The following UNC45B variants were observed in gnomAD, a reference collection of about 807,000 sequenced individuals.
The protein encoded by UNC45B is unc-45 myosin chaperone B.
UNC45B carries 78 observed loss-of-function variants against 98.7 expected under a neutral mutation model. The observed-to-expected ratio is 0.79, with a 90% CI of 0.66 to 0.95. The LOEUF (loss-of-function observed/expected upper bound fraction) is 0.95, where lower values mean the gene tolerates loss of function less well. Among genes scored for constraint, UNC45B ranks in the 40% least tolerant of loss-of-function variants. The pLI, the probability that UNC45B is intolerant of heterozygous loss-of-function variation, is 0.00. For missense variants in UNC45B, 1,225 were observed against 1,184.9 expected, an observed-to-expected ratio of 1.03 and a Z score of -0.50; for synonymous variants, 462 against 480.4, an observed-to-expected ratio of 0.96 and a Z score of 0.50.
chr17:35,149,133 C>T, intron 3 of UNC45B, 124 bp downstream of exon 3: 1 of 1,157,440 alleles, frequency 8.6e-7, no homozygotes, highest in South Asian at 1.3e-5. Flanking sequence ...AGGGAGAGAA[C>T]AAGCTGGAGA....
intron 4 of UNC45B, chr17:35,151,247 T>G (rs1194786745): frequency 4.0e-6 from 1 of 248,244 alleles, no homozygotes; most frequent in East Asian, 1.6e-4. Flanking sequence ...ACGTCTGATC[T>G]GAGGTCGCGG....
chr17:35,186,475 T>G lies in UNC45B; in HGVS notation c.2706T>G (p.Asp902Glu). The G allele has an allele frequency of 1.2e-6, 2 of 1,614,186 alleles. No homozygotes were observed. The highest frequency in any genetic ancestry group is 2.2e-5 in the East Asian group (1 of 44,884). The stretch of plus-strand genomic sequence containing the variant: ...CTGTGGTGGGCAAACAGGAGCCAGA[T>G]GAGAAGAAGGCAGAAGTGGTTCAGA... ...ILTVVGKQEP[D>E]EKKAEVVQTA... is the part of the protein sequence containing the mutation. Residue 902 changes from aspartate (D) to glutamate (E), a missense_variant, in exon 20 of 20, where the codon GAT becomes GAG. By Grantham distance (45) the Asp-to-Glu change is conservative (BLOSUM62 2). Transcript: ENST00000394570.
At position 35,170,248 on chromosome 17, in the gene UNC45B, TG is replaced by T; in HGVS notation, c.1684del (p.Ala562ProfsTer17). On this transcript the variant is annotated frameshift_variant, in exon 12 of 20. Transcript: ENST00000394570. LOFTEE classifies it high-confidence loss of function. The part of the protein sequence containing the change: ...DVPALQAMFE[L>X]AKTSDKTILY... The stretch of plus-strand genomic sequence containing the variant: ...CCTGCCCTGCAGGCCATGTTTGAGC[TG>T]GCCAAGGCAGGTGTCGGGGAGTCTG... The T allele has an allele frequency of 6.2e-7, 1 of 1,607,142 alleles. No homozygotes were observed. Among genetic ancestry groups the T allele is most frequent in the Non-Finnish European group, 8.5e-7 (1 of 1,174,952 alleles).
At chr17:35,173,504 G>C (rs374981197) in intron 13 of UNC45B, among the ~76,000 whole-genome samples, 2 of 152,236 alleles carry the variant, frequency 1.3e-5, no homozygotes, top group South Asian at 4.1e-4. Flanking sequence ...GGTGTTAGCA[G>C]GGCTGGTTTC....
chr17:35,159,359 T>C lies in UNC45B; in HGVS notation c.809-16T>C, dbSNP rs1283453020. 6.2e-7 allele frequency: 1 copy of C among 1,607,800 alleles called. No individual in the cohort carries two copies. Among genetic ancestry groups the C allele is most frequent in the Admixed American group, 1.7e-5 (1 of 59,532 alleles). On this transcript the variant is annotated splice_polypyrimidine_tract_variant and intron_variant, in intron 7 of 19. Transcript: ENST00000394570. Reference sequence around the variant, plus strand: ...TTCCTACCCCTCTCTACTTACCCCGTCCTCTTTTTCTTCAGACACCAAGAA... The same window carrying C: ...TTCCTACCCCTCTCTACTTACCCCGCCCTCTTTTTCTTCAGACACCAAGAA...
At chr17:35,150,901 G>A (rs2092013507) in intron 4 of UNC45B, among the ~76,000 whole-genome samples, 1 of 152,104 alleles carries the variant, frequency 6.6e-6, no homozygotes, top group Admixed American at 6.6e-5. Context: ...AGGAGAGCCA[G>A]GCCCCATTAG....
Position 35,164,021 on chromosome 17 carries a change from G to A in UNC45B, c.1006G>A (p.Gly336Arg). 3.1e-6 allele frequency: 5 copies of A among 1,613,650 alleles called. No individual in the cohort carries two copies. The highest frequency in any genetic ancestry group is 2.2e-5 in the East Asian group (1 of 44,828). Residue 336 changes from glycine (G) to arginine (R), a missense_variant, in exon 9 of 20, where the codon GGG becomes AGG. Coordinates refer to ENST00000394570, the MANE Select transcript of UNC45B (RefSeq NM_001267052.2). ...NGLRKILKVV[G>R]QVPDLPSCLP... ...TCTGAGGAAGATCCTGAAGGTTGTG[G>A]GGCAGGTTCCAGATCTGCCATCCTG...
chr17:35,156,114 A>G (rs943899044), intron 7 of UNC45B, among the ~76,000 whole-genome samples: 3 of 152,242 alleles, frequency 2.0e-5, no homozygotes, highest in Non-Finnish European at 1.5e-5. Context: ...CAAATACTGC[A>G]TGAATCCACT....
At chr17:35,162,113 A>G (rs1435903455) in intron 8 of UNC45B, among the ~76,000 whole-genome samples, 1 of 152,266 alleles carries the variant, frequency 6.6e-6, no homozygotes, top group Middle Eastern at 3.4e-3. Flanking sequence ...TTGGTAATCT[A>G]GTAACTAAAC....
At chr17:35,169,076 A>G (rs2092163491) in intron 10 of UNC45B, among the ~76,000 whole-genome samples, 1 of 151,860 alleles carries the variant, frequency 6.6e-6, no homozygotes, top group South Asian at 2.1e-4. Flanking sequence ...GTCCAGTGGC[A>G]TGATATTGGC....
At chr17:35,170,877 T>A (rs2092180249) in intron 12 of UNC45B, among the ~76,000 whole-genome samples, 1 of 152,080 alleles carries the variant, frequency 6.6e-6, no homozygotes. Flanking sequence ...CTGGCCTTTC[T>A]GGGAACCTGC....
At chr17:35,178,423 A>G (rs2142591180) in intron 17 of UNC45B, among the ~76,000 whole-genome samples, 1 of 152,188 alleles carries the variant, frequency 6.6e-6, no homozygotes. Context: ...AGTTCTTTGT[A>G]GATTCTGGAT....
intron 18 of UNC45B, among the ~76,000 whole-genome samples, chr17:35,181,018 G>A (rs1394397707): frequency 1.3e-5 from 2 of 152,070 alleles, no homozygotes; most frequent in Admixed American, 6.5e-5. Flanking sequence ...GGTCAAGGAA[G>A]GCTAGACCAC....
At chr17:35,153,543 G>C (rs909171680) in intron 5 of UNC45B, among the ~76,000 whole-genome samples, 2 of 151,636 alleles carry the variant, frequency 1.3e-5, no homozygotes, top group African/African-American at 4.8e-5. Flanking sequence ...GAACATTCGA[G>C]TGTTTTACAT....
At chr17:35,153,262 TA>T (rs1187115763) in intron 5 of UNC45B, among the ~76,000 whole-genome samples, 1 of 152,192 alleles carries the variant, frequency 6.6e-6, no homozygotes, top group South Asian at 2.1e-4. Flanking sequence ...TTTTGATTTT[TA>T]AAAATATAGC....
rs1377461148 is a variant in UNC45B at position 35,170,278 on chromosome 17, C to G, written c.1689+23C>G. ...AAGGCAGGTGTCGGGGAGTCTGGCC[C>G]GACCACAAACCTCAGGAAAGGTCTG... is the stretch of plus-strand genomic sequence containing the variant. On this transcript the variant is annotated intron_variant, in intron 12 of 19. Transcript: ENST00000394570. 1.9e-6 allele frequency: 3 copies of G among 1,582,654 alleles called. No individual in the cohort carries two copies. In the Admixed American group the frequency reaches 5.2e-5, roughly 27 times the overall value.
In UNC45B at chr17:35,163,887, T is replaced by C. The variant is rs2092119578; in HGVS notation, c.980-108T>C. 5 of 1,274,346 alleles carry C rather than the reference T, an allele frequency of 3.9e-6. No homozygotes were observed. The East Asian group carries it at 1.3e-4, about 32-fold the overall frequency. The allele number at this position is 1,274,346 out of a possible 1,614,324, so 78.9% of individuals were successfully genotyped here. On this transcript the variant is annotated intron_variant, in intron 8 of 19. Coordinates refer to ENST00000394570, the MANE Select transcript of UNC45B (RefSeq NM_001267052.2). ...CATTCTGGATGAACCACATGTTTTC[T>C]ACAGACAGGGCTGGAGAGAAGCTGA...
chr17:35,157,986 C>T (rs1214185586), intron 7 of UNC45B, among the ~76,000 whole-genome samples: 3 of 152,176 alleles, frequency 2.0e-5, no homozygotes, highest in African/African-American at 4.8e-5. Context: ...CTCAATCCTT[C>T]CACCTCAGCT....
chr17:35,171,498 G>T (rs1184557855), intron 13 of UNC45B, 36 bp downstream of exon 13: 2 of 1,604,694 alleles, frequency 1.2e-6, no homozygotes, highest in Non-Finnish European at 1.7e-6. Context: ...GGTCTGGTCT[G>T]TGCCACTAGG....
Sources: gnomAD v4.1 joint callset for allele counts (sites outside exome capture counted in the v4.1 genomes callset) on GRCh38, gnomAD v4.1.1 for gene constraint, MANE v1.5 for transcripts, NCBI Gene and HGNC (gene_info 2026-07-23, HGNC 2026-07-21) for gene names.